The following LHFPL3 variants were observed in gnomAD, a reference collection of about 807,000 sequenced individuals.
LHFPL3 encodes the protein LHFPL tetraspan subfamily member 3, also known as LHFPL tetraspan subfamily member 3 protein.
LHFPL3 carries 5 observed loss-of-function variants against 19.3 expected under a neutral mutation model. The observed-to-expected ratio is 0.26, with a 90% CI of 0.14 to 0.54. The LOEUF is 0.54. LHFPL3 is among the 20% of genes least tolerant of loss of function. The probability of loss-of-function intolerance (pLI) is 0.94; values close to 1 mark genes in which losing one functional copy is unlikely to be tolerated. For synonymous variants in LHFPL3, 133 were observed against 126.2 expected (o/e 1.05, Z -0.36); for missense variants, 249 against 307.4 (o/e 0.81, Z 1.42).
chr7:104,519,003 A>T (rs1415128765), intron 1 of LHFPL3, among the ~76,000 whole-genome samples: 1 of 152,122 alleles, frequency 6.6e-6, no homozygotes, highest in East Asian at 1.9e-4. Flanking sequence ...GAAAATACAC[A>T]CATTTTTGCT....
intron 2 of LHFPL3, among the ~76,000 whole-genome samples, chr7:104,846,930 A>G (rs776681588): frequency 6.6e-6 from 1 of 152,224 alleles, no homozygotes; most frequent in African/African-American, 2.4e-5. Flanking sequence ...CCTCTCAGCA[A>G]TATTCATTTT....
At chr7:104,768,923 C>T (rs1459645501) in intron 2 of LHFPL3, 1 of 152,242 alleles carries the variant, frequency 6.6e-6, no homozygotes, top group African/African-American at 2.4e-5. Flanking sequence ...CTGAACAAAA[C>T]TTCTCTGAAC....
rs79696100 is a variant in LHFPL3 at position 104,769,236 on chromosome 7, G to T, written c.682+32325G>T. ...GAGCAGCTGTTCTTACTGTCATTAA[G>T]AAGGGACCAGGAAGAGCAAGTTTTG... On this transcript the variant is annotated intron_variant, in intron 2 of 2. Transcript: ENST00000424859. Among the ~76,000 whole-genome samples, 1,060 of 152,334 alleles carry T rather than the reference G, an allele frequency of 7.0e-3. 8 individuals are homozygous for T. The highest frequency in any genetic ancestry group is 0.024 in the African/African-American group (983 of 41,574).
At chr7:104,572,509 T>G (rs2115993130) in intron 1 of LHFPL3, among the ~76,000 whole-genome samples, 1 of 152,340 alleles carries the variant, frequency 6.6e-6, no homozygotes, top group Non-Finnish European at 1.5e-5. Flanking sequence ...TTTTCTTTTA[T>G]TCAAGCAGTG....
In LHFPL3 at chr7:104,668,198, G is replaced by T. The variant is rs375942542; in HGVS notation, c.446-68477G>T. 1.6e-5 allele frequency: 26 copies of T among 1,613,718 alleles called. No homozygotes were observed. The African/African-American group carries it at 2.3e-4, about 14-fold the overall frequency. ...CTGAATTTGAGGACCTGGATTCCCT[G>T]CTCAGTGCCCTGAGTCTCAATGAAG... On this transcript the variant is annotated intron_variant, in intron 1 of 2. Coordinates refer to ENST00000424859, the MANE Select transcript of LHFPL3 (RefSeq NM_199000.3).
At chr7:104,813,702 G>A (rs1365952660) in intron 2 of LHFPL3, among the ~76,000 whole-genome samples, 1 of 152,228 alleles carries the variant, frequency 6.6e-6, no homozygotes, top group Non-Finnish European at 1.5e-5. Context: ...CTTTCTATGA[G>A]GCTGTGGCCA....
intron 2 of LHFPL3, among the ~76,000 whole-genome samples, chr7:104,838,052 C>G (rs1020980235): frequency 1.2e-4 from 19 of 152,134 alleles, no homozygotes; most frequent in African/African-American, 4.6e-4. Flanking sequence ...GAAACCAGCT[C>G]CAGTAATCAG....
intron 1 of LHFPL3, among the ~76,000 whole-genome samples, chr7:104,408,581 T>G (rs976719221): frequency 6.6e-6 from 1 of 152,180 alleles, no homozygotes; most frequent in African/African-American, 2.4e-5. Context: ...GGTAAAATCT[T>G]AAAAAGATCT....
At chr7:104,853,505 G>A (rs780668599) in intron 2 of LHFPL3, among the ~76,000 whole-genome samples, 37 of 152,144 alleles carry the variant, frequency 2.4e-4, no homozygotes, top group Non-Finnish European at 1.5e-4. Flanking sequence ...TGCAGACTGC[G>A]TGACTTCAGT....
intron 1 of LHFPL3, among the ~76,000 whole-genome samples, chr7:104,339,737 T>C (rs1562868833): frequency 6.6e-6 from 1 of 152,248 alleles, no homozygotes. Context: ...AGCATACTTA[T>C]GTAGCCGTCA....
chr7:104,349,360 G>GA (rs1337558674), intron 1 of LHFPL3, among the ~76,000 whole-genome samples: 1 of 152,000 alleles, frequency 6.6e-6, no homozygotes, highest in Non-Finnish European at 1.5e-5. Context: ...CAAGAAATAA[G>GA]AAAAATGTAT....
chr7:104,761,488 AG>A, intron 2 of LHFPL3, among the ~76,000 whole-genome samples: 1 of 152,140 alleles, frequency 6.6e-6, no homozygotes, highest in South Asian at 2.1e-4. Context: ...CATTTCTCAA[AG>A]CTTCCCCCTG....
chr7:104,639,057 G>T, intron 1 of LHFPL3, among the ~76,000 whole-genome samples: 1 of 152,010 alleles, frequency 6.6e-6, no homozygotes. Flanking sequence ...ACCATGCCTA[G>T]CCAGATTAGC....
chr7:104,492,567 C>T (rs576099016), intron 1 of LHFPL3, among the ~76,000 whole-genome samples: 1 of 152,202 alleles, frequency 6.6e-6, no homozygotes, highest in Non-Finnish European at 1.5e-5. Context: ...TTGGAACCTT[C>T]CACATTTAGC....
chr7:104,862,907 G>A (rs1002775324), intron 2 of LHFPL3, among the ~76,000 whole-genome samples: 1 of 152,168 alleles, frequency 6.6e-6, no homozygotes, highest in Non-Finnish European at 1.5e-5. Flanking sequence ...GGGCTGCTCC[G>A]CCTGGTGGTC....
In LHFPL3 at chr7:104,605,154, G is replaced by A. The variant is rs185697014; in HGVS notation, c.446-131521G>A. 1.3e-3 allele frequency among the ~76,000 whole-genome samples: 205 copies of A among 152,104 alleles called. 1 individual carries two copies. Among genetic ancestry groups the A allele is most frequent in the African/African-American group, 4.6e-3 (189 of 41,480 alleles). On this transcript the variant is annotated intron_variant, in intron 1 of 2. Transcript: ENST00000424859. ...ACAACAAATGTATTTTTTAATCCAC[G>A]GGAAATATTTTACACTATCAAATAA...
intron 2 of LHFPL3, among the ~76,000 whole-genome samples, chr7:104,778,439 G>GGCC (rs1794666510): frequency 6.6e-6 from 1 of 152,190 alleles, no homozygotes; most frequent in Non-Finnish European, 1.5e-5. Flanking sequence ...CCACTCCAGA[G>GGCC]ACTTACCCAA....
intron 1 of LHFPL3, among the ~76,000 whole-genome samples, chr7:104,369,227 C>G (rs566421118): frequency 2.6e-5 from 4 of 152,272 alleles, no homozygotes; most frequent in Middle Eastern, 3.4e-3. Flanking sequence ...TTGCTTGAGG[C>G]CAAGTTCCAC....
chr7:104,673,680 G>A (rs973305348), intron 1 of LHFPL3, among the ~76,000 whole-genome samples: 1 of 152,140 alleles, frequency 6.6e-6, no homozygotes, highest in Non-Finnish European at 1.5e-5. Context: ...TTTGATGAAG[G>A]GCAAATTTGC....
Sources: gnomAD v4.1 joint callset for allele counts (sites outside exome capture counted in the v4.1 genomes callset) on GRCh38, gnomAD v4.1.1 for gene constraint, MANE v1.5 for transcripts, NCBI Gene and HGNC (gene_info 2026-07-23, HGNC 2026-07-21) for gene names.